Variants in PHGDH observed in about 807,000 individuals in gnomAD.
PHGDH encodes the protein phosphoglycerate dehydrogenase.
A neutral mutation model predicts 52.6 loss-of-function variants in PHGDH; 50 were observed. The ratio of observed to expected loss-of-function variants is 0.95; its 90% CI spans 0.76 to 1.20. The LOEUF is 1.20. PHGDH is among the 50% of genes most tolerant of loss of function. The pLI, the probability that PHGDH is intolerant of heterozygous loss-of-function variation, is 0.00. For synonymous variants in PHGDH, 271 were observed against 280.5 expected (o/e 0.97, Z 0.34); for missense variants, 630 against 684.6 (o/e 0.92, Z 0.89).
chr1:119,734,672 G>A lies in PHGDH; in HGVS notation c.549G>A (p.Ser183=), dbSNP rs776140200. The change falls in exon 6 of 12, where the codon TCG becomes TCA. Residue 183 remains serine (S), a synonymous_variant. Transcript: ENST00000641023. ...ACCCCATCATTTCCCCAGAGGTCTC[G>A]GCCTCCTTTGGTGTTCAGCAGCTGC... ...GYDPIISPEV[S]ASFGVQQLPL... 36 of 1,613,834 alleles carry A rather than the reference G, an allele frequency of 2.2e-5. No individual in the cohort carries two copies. In the South Asian group the frequency reaches 2.4e-4, roughly 11 times the overall value.
chr1:119,733,150 G>A (rs1651775935), intron 5 of PHGDH, among the ~76,000 whole-genome samples: 1 of 152,106 alleles, frequency 6.6e-6, no homozygotes, highest in South Asian at 2.1e-4. Context: ...TATAGGGCGT[G>A]GGAGAGGCAG....
chr1:119,728,518 G>A (rs1651549288), intron 5 of PHGDH, among the ~76,000 whole-genome samples: 1 of 152,160 alleles, frequency 6.6e-6, no homozygotes, highest in African/African-American at 2.4e-5. Flanking sequence ...CCTAACTCCT[G>A]TCTTCCCCCA....
chr1:119,733,361 T>A (rs1651787169), intron 5 of PHGDH, among the ~76,000 whole-genome samples: 1 of 148,776 alleles, frequency 6.7e-6, no homozygotes, highest in Non-Finnish European at 1.5e-5. Context: ...TTTTTTTTTC[T>A]GAGACATCTT....
intron 2 of PHGDH, among the ~76,000 whole-genome samples, chr1:119,722,619 C>T (rs768611641): frequency 9.2e-5 from 14 of 151,710 alleles, no homozygotes; most frequent in Non-Finnish European, 1.9e-4. Context: ...TGGGGGCTCA[C>T]ACCTGTAATC....
chr1:119,739,176 A>C (rs1294723564), intron 8 of PHGDH, among the ~76,000 whole-genome samples: 1 of 152,144 alleles, frequency 6.6e-6, no homozygotes, highest in African/African-American at 2.4e-5. Context: ...GAAGACTGAG[A>C]ATCCTCCTTT....
At chr1:119,712,785 C>T (rs1351798833) in intron 1 of PHGDH, among the ~76,000 whole-genome samples, 1 of 152,230 alleles carries the variant, frequency 6.6e-6, no homozygotes, top group African/African-American at 2.4e-5. Flanking sequence ...AAACACGTAC[C>T]CGCCCCTCGT....
chr1:119,721,361 G>A (rs753803535), intron 2 of PHGDH, 40 bp downstream of exon 2: 11 of 1,603,202 alleles, frequency 6.9e-6, no homozygotes, highest in Non-Finnish European at 6.8e-6. Context: ...GGGTAGGGGG[G>A]TGAGTGCGGA....
intron 3 of PHGDH, among the ~76,000 whole-genome samples, chr1:119,726,179 A>AGTGT (rs55671458): frequency 0.056 from 7,326 of 131,168 alleles, 195 homozygotes; most frequent in East Asian, 0.077. Context: ...GGCTGTGAAG[A>AGTGT]GTGTGTGTGT....
Position 119,735,363 on chromosome 1 carries a change from G to C in PHGDH, c.712G>C (p.Gly238Arg), listed in dbSNP as rs1651884535. The C allele has an allele frequency of 6.2e-7, 1 of 1,614,094 alleles. No individual in the cohort carries two copies. The highest frequency in any genetic ancestry group is 1.3e-5 in the African/African-American group (1 of 74,942). Residue 238 changes from glycine to arginine, a missense_variant, in exon 7 of 12, where the codon GGG becomes CGG. Transcript: ENST00000641023. ...GVRVVNCARGGIVDEGALLRA... is the reference protein window; with the variant it reads ...GVRVVNCARGRIVDEGALLRA... ...GCGTGTGGTGAACTGTGCCCGTGGA[G>C]GGATCGTGGACGAAGGCGCCCTGCT... is the stretch of plus-strand genomic sequence containing the variant.
intron 5 of PHGDH, among the ~76,000 whole-genome samples, chr1:119,733,518 A>AG (rs34338933): frequency 0.027 from 3,528 of 132,990 alleles, 138 homozygotes; most frequent in African/African-American, 0.088. Context: ...AATTTTTTGT[A>AG]GGGGGGGGGG....
intron 8 of PHGDH, 27 bp downstream of exon 8, chr1:119,737,293 G>T (rs1571013511): frequency 1.9e-6 from 3 of 1,599,064 alleles, no homozygotes; most frequent in Non-Finnish European, 2.6e-6. Flanking sequence ...GGGGCTGGGG[G>T]CCAGGAGTCA....
intron 1 of PHGDH, chr1:119,719,928 T>C (rs1056445569): frequency 3.9e-5 from 6 of 152,342 alleles, no homozygotes; most frequent in African/African-American, 9.6e-5. Flanking sequence ...AGGTAGAGAC[T>C]AGGGGTATAG....
intron 1 of PHGDH, among the ~76,000 whole-genome samples, chr1:119,714,252 AGCTTCGGCAGCGTT>A (rs1237431659): frequency 1.3e-5 from 2 of 152,098 alleles, no homozygotes; most frequent in Non-Finnish European, 2.9e-5. Flanking sequence ...TGCTGAAGGA[AGCTTCGGCAGCGTT>A]GCTAGAACCG....
At position 119,744,152 on chromosome 1, in the gene PHGDH, T is replaced by C; in HGVS notation, c.*112T>C. The C allele has an allele frequency of 1.1e-6, 1 of 913,444 alleles. No homozygotes were observed. The allele number at this position is 913,444 out of a possible 1,614,324, so 56.6% of individuals were successfully genotyped here. On this transcript the variant is annotated 3_prime_UTR_variant, in exon 12 of 12. Coordinates refer to ENST00000641023, the MANE Select transcript of PHGDH (RefSeq NM_006623.4). ...TGGGCTGAACGCGGGCCTCTGACACTGCTTACACTGCACTCTGACCCTGTA... is the reference window on the plus strand; with the variant it reads ...TGGGCTGAACGCGGGCCTCTGACACCGCTTACACTGCACTCTGACCCTGTA...
chr1:119,742,813 AC>A lies in PHGDH; in HGVS notation c.1218del (p.Ser407ProfsTer75). ...CCTTGCCTTCTCCACACAGGTCACC[AC>A]CTCCCACAGCCCTGCTGCACCAGGG... ...LVKEAGLNVT[T>X]SHSPAAPGEQ... On this transcript the variant is annotated frameshift_variant, in exon 11 of 12. Coordinates refer to ENST00000641023, the MANE Select transcript of PHGDH (RefSeq NM_006623.4). LOFTEE classifies it high-confidence loss of function. The A allele has an allele frequency of 1.2e-6, 2 of 1,603,934 alleles. No individual in the cohort carries two copies. The highest frequency in any genetic ancestry group is 1.7e-6 in the Non-Finnish European group (2 of 1,174,088).
At chr1:119,735,925 G>A (rs1361869691) in intron 7 of PHGDH, among the ~76,000 whole-genome samples, 1 of 152,162 alleles carries the variant, frequency 6.6e-6, no homozygotes, top group East Asian at 1.9e-4. Flanking sequence ...TATTCCCTCA[G>A]GGTCCTCGGG....
chr1:119,729,717 G>A (rs966259224), intron 5 of PHGDH: 1 of 152,170 alleles, frequency 6.6e-6, no homozygotes, highest in Non-Finnish European at 1.5e-5. Context: ...GGGACCTTGA[G>A]CATCAGTGTC....
intron 1 of PHGDH, among the ~76,000 whole-genome samples, chr1:119,713,612 T>A (rs1206253246): frequency 6.6e-6 from 1 of 152,104 alleles, no homozygotes; most frequent in Non-Finnish European, 1.5e-5. Flanking sequence ...ATGCACAGAA[T>A]TGGTGGGCAA....
In PHGDH at chr1:119,743,988, GC is replaced by G. The variant is rs1652331496; in HGVS notation, c.1552del (p.Leu518TrpfsTer8). 1.2e-6 allele frequency: 2 copies of G among 1,614,010 alleles called. No homozygotes were observed. Among genetic ancestry groups the G allele is most frequent in the African/African-American group, 2.7e-5 (2 of 74,926 alleles). ...ATGGGCATCTCCTCCTTGCTGCCCA[GC>G]CTGGAAGCGTGGAAGCAGCATGTGA... ...HVMGISSLLP[S>X]LEAWKQHVTE... On this transcript the variant is annotated frameshift_variant, in exon 12 of 12. Transcript: ENST00000641023. LOFTEE classifies it high-confidence loss of function.
Sources: gnomAD v4.1 joint callset for allele counts (sites outside exome capture counted in the v4.1 genomes callset) on GRCh38, gnomAD v4.1.1 for gene constraint, MANE v1.5 for transcripts, NCBI Gene and HGNC (gene_info 2026-07-23, HGNC 2026-07-21) for gene names.